The following GATA3 variants were observed in gnomAD, a reference collection of about 807,000 sequenced individuals.
GATA3 encodes the protein trans-acting T-cell-specific transcription factor GATA-3.
GATA3 carries 6 observed loss-of-function variants against 36.0 expected under a neutral mutation model. The observed-to-expected ratio is 0.17, with a 90% CI of 0.09 to 0.33. The LOEUF is 0.33. GATA3 is among the 10% of genes least tolerant of loss of function. The pLI, the probability that GATA3 is intolerant of heterozygous loss-of-function variation, is 1.00. For missense variants in GATA3, 514 were observed against 610.1 expected, an observed-to-expected ratio of 0.84 and a Z score of 1.66; for synonymous variants, 326 against 273.0, an observed-to-expected ratio of 1.19 and a Z score of -1.92.
intron 1 of GATA3, among the ~76,000 whole-genome samples, chr10:8,046,465 G>A (rs992910201): frequency 2.0e-5 from 3 of 152,184 alleles, no homozygotes; most frequent in African/African-American, 7.2e-5. Flanking sequence ...TGGGGTCGCA[G>A]ATGGGAGATT....
In GATA3 at chr10:8,058,590, C is replaced by T. The variant is rs145577748; in HGVS notation, c.527C>T (p.Ala176Val). 5.1e-5 allele frequency: 82 copies of T among 1,611,808 alleles called. No homozygotes were observed. The highest frequency in any genetic ancestry group is 6.4e-5 in the Non-Finnish European group (75 of 1,179,924). The change falls in exon 3 of 6, where the codon GCC becomes GTC. Residue 176 changes from alanine to valine, a missense_variant. By Grantham distance (64) the Ala-to-Val change is moderately conservative. Around this residue, in one of 3 missense-constraint regions of GATA3, gnomAD observed 381 missense variants for 354.3 expected, o/e 1.08. Transcript: ENST00000379328. ...TCCACCCCAGGCTCGGCCGGCTCGG[C>T]CCGGCAGGACGAGAAAGAGTGCCTC... ...SLSTPGSAGS[A>V]RQDEKECLKY... is the part of the protein sequence containing the mutation.
chr10:8,048,904 G>A (rs545259307), upstream of GATA3, among the ~76,000 whole-genome samples: 29 of 152,082 alleles, frequency 1.9e-4, no homozygotes, highest in African/African-American at 6.8e-4. Flanking sequence ...TGGTAGTGGC[G>A]GTGGGAGGGT....
Position 8,074,620 on chromosome 10 carries a change from C to G in GATA3, c.*597C>G, listed in dbSNP as rs1171441447. On this transcript the variant is annotated 3_prime_UTR_variant, in exon 6 of 6. Coordinates refer to ENST00000379328, the MANE Select transcript of GATA3 (RefSeq NM_001002295.2). Reference sequence around the variant, plus strand: ...ACCAGTTCTGGGCAATCAGTGTTACCGTTCACCAGTTGCCGTTGAGGGTTT... The same window carrying G: ...ACCAGTTCTGGGCAATCAGTGTTACGGTTCACCAGTTGCCGTTGAGGGTTT... The G allele has an allele frequency of 4.3e-6, 1 of 233,928 alleles. No homozygotes were observed. The highest frequency in any genetic ancestry group is 5.6e-5 in the Admixed American group (1 of 17,808). 14.5% of individuals were successfully genotyped at this position (233,928 alleles called of 1,614,324 possible).
At chr10:8,062,710 C>T (rs942503497) in intron 3 of GATA3, among the ~76,000 whole-genome samples, 1 of 152,174 alleles carries the variant, frequency 6.6e-6, no homozygotes, top group African/African-American at 2.4e-5. Context: ...GTCTTCAGAG[C>T]TCATTTTTCT....
chr10:8,058,374 G>A lies in GATA3; in HGVS notation c.311G>A (p.Gly104Asp), dbSNP rs773078501. ...LPWLDGGKALGSHHTASPWNL... is the reference protein window; with the variant it reads ...LPWLDGGKALDSHHTASPWNL... ...TGGCTGGACGGCGGCAAAGCCCTGGGCAGCCACCACACCGCCTCCCCCTGG... is the reference window on the plus strand; with the variant it reads ...TGGCTGGACGGCGGCAAAGCCCTGGACAGCCACCACACCGCCTCCCCCTGG... The change falls in exon 3 of 6, where the codon GGC becomes GAC. Residue 104 changes from glycine to aspartate, a missense_variant. Physicochemically the swap from Gly to Asp is moderately conservative, Grantham distance 94 (BLOSUM62 -1). Coordinates refer to ENST00000379328, the MANE Select transcript of GATA3 (RefSeq NM_001002295.2). 3 of 1,612,740 alleles carry A rather than the reference G, an allele frequency of 1.9e-6. No homozygotes were observed. The highest frequency in any genetic ancestry group is 2.5e-6 in the Non-Finnish European group (3 of 1,179,990).
chr10:8,061,283 C>A (rs774062068), intron 3 of GATA3, among the ~76,000 whole-genome samples: 3 of 152,106 alleles, frequency 2.0e-5, no homozygotes, highest in African/African-American at 7.2e-5. Context: ...TGTCCAGGGC[C>A]GCTTCTTAGC....
chr10:8,063,816 A>C (rs1832789112), intron 3 of GATA3, among the ~76,000 whole-genome samples, 177 bp from the exon 4 acceptor site: 1 of 152,192 alleles, frequency 6.6e-6, no homozygotes. Context: ...CCAGGACAGC[A>C]TTCCCCAGCT....
At position 8,055,649 on chromosome 10, in the gene GATA3, C is replaced by G. The variant is rs977246474; in HGVS notation, c.-7C>G. On this transcript the variant is annotated 5_prime_UTR_variant, in exon 2 of 6. Coordinates refer to ENST00000379328, the MANE Select transcript of GATA3 (RefSeq NM_001002295.2). This position sits in a 1 kb window ranked among gnomAD's most constrained non-coding sequence, Gnocchi z 5.4. ...CCCGGCGAGAGGGCGCGAGCACAGC[C>G]GAGGCCATGGAGGTGACGGCGGACC... The G allele has an allele frequency of 1.2e-5, 18 of 1,553,692 alleles. No homozygotes were observed. In the Admixed American group the frequency reaches 1.7e-4, roughly 15 times the overall value.
At position 8,074,090 on chromosome 10, in the gene GATA3, G is replaced by T. The variant is rs1832976849; in HGVS notation, c.*67G>T. 4 of 1,563,370 alleles carry T rather than the reference G, an allele frequency of 2.6e-6. No homozygotes were observed. In the Admixed American group the frequency reaches 5.3e-5, roughly 21 times the overall value. On this transcript the variant is annotated 3_prime_UTR_variant, in exon 6 of 6. Transcript: ENST00000379328. ...GCAGTCCCTTTCGACTTGCATTTTTGCAGGAGCAGTATCATGAAGCCTAAA... is the reference window on the plus strand; with the variant it reads ...GCAGTCCCTTTCGACTTGCATTTTTTCAGGAGCAGTATCATGAAGCCTAAA...
chr10:8,061,269 T>G (rs1481247718), intron 3 of GATA3, among the ~76,000 whole-genome samples: 1 of 152,204 alleles, frequency 6.6e-6, no homozygotes, highest in Non-Finnish European at 1.5e-5. Flanking sequence ...AGACAGAGTC[T>G]TTGTGTCCAG....
upstream of GATA3, chr10:8,052,548 C>T (rs941156652): frequency 6.6e-6 from 1 of 152,252 alleles, no homozygotes; most frequent in African/African-American, 2.4e-5. Context: ...TTTGGTCTTA[C>T]GCGTGGCTGT....
chr10:8,062,856 C>T (rs774765389), intron 3 of GATA3, among the ~76,000 whole-genome samples: 28 of 152,142 alleles, frequency 1.8e-4, no homozygotes, highest in Admixed American at 2.6e-4. Flanking sequence ...GCTAGAGACC[C>T]GTGTGTCCCT....
intron 5 of GATA3, 87 bp downstream of exon 5, chr10:8,069,685 C>T (rs528764589): frequency 2.0e-5 from 30 of 1,470,642 alleles, no homozygotes; most frequent in African/African-American, 5.6e-5. Flanking sequence ...CCAAGTGAAT[C>T]GCTCACCATG....
At chr10:8,046,685 G>A (rs1832392435) in intron 1 of GATA3, among the ~76,000 whole-genome samples, 1 of 147,824 alleles carries the variant, frequency 6.8e-6, no homozygotes, top group African/African-American at 2.6e-5. Context: ...GTGTGTGTGT[G>A]TGTGTGTCAG....
chr10:8,067,204 G>A (rs958115056), intron 4 of GATA3, among the ~76,000 whole-genome samples: 2 of 152,132 alleles, frequency 1.3e-5, no homozygotes, highest in African/African-American at 4.8e-5. Flanking sequence ...GAGGCATATG[G>A]GGTTAGATCA....
intron 4 of GATA3, among the ~76,000 whole-genome samples, chr10:8,068,716 G>A (rs1294545967): frequency 6.6e-6 from 1 of 152,206 alleles, no homozygotes; most frequent in Non-Finnish European, 1.5e-5. Flanking sequence ...TCGCACCACT[G>A]CACTCCAGCC....
At chr10:8,072,061 G>A (rs1298305897) in intron 5 of GATA3, among the ~76,000 whole-genome samples, 1 of 152,194 alleles carries the variant, frequency 6.6e-6, no homozygotes, top group Non-Finnish European at 1.5e-5. Flanking sequence ...GAAGGAACCT[G>A]GAGATGTTCC....
At chr10:8,068,604 T>G in intron 4 of GATA3, among the ~76,000 whole-genome samples, 1 of 152,106 alleles carries the variant, frequency 6.6e-6, no homozygotes, top group East Asian at 1.9e-4. Flanking sequence ...ATAGAAAAAT[T>G]AGCCGGGCAT....
intron 3 of GATA3, among the ~76,000 whole-genome samples, chr10:8,063,494 T>C (rs1033690434): frequency 5.9e-5 from 9 of 152,214 alleles, no homozygotes; most frequent in African/African-American, 1.9e-4. Context: ...ATCTAGCCAT[T>C]GATGAATCCT....
Sources: allele counts gnomAD v4.1 joint callset (sites outside exome capture counted in the v4.1 genomes callset), GRCh38; gene constraint gnomAD v4.1.1; regional missense constraint gnomAD v4.1.1; non-coding constraint Gnocchi (gnomAD v3.1); transcripts MANE v1.5; gene names NCBI Gene and HGNC (gene_info 2026-07-23, HGNC 2026-07-21).